The following KMT2E variants were observed in gnomAD, a reference collection of about 807,000 sequenced individuals.
KMT2E encodes the protein lysine methyltransferase 2E (inactive).
A neutral mutation model predicts 184.6 loss-of-function variants in KMT2E; 30 were observed. That is an observed-to-expected ratio of 0.16 (90% CI 0.12 to 0.22). The LOEUF is 0.22. KMT2E is among the 10% of genes least tolerant of loss of function. The pLI, the probability that KMT2E is intolerant of heterozygous loss-of-function variation, is 1.00. For missense variants in KMT2E, 2,023 were observed against 2,237.4 expected (o/e 0.90, Z 1.93); for synonymous variants, 815 against 776.5 (o/e 1.05, Z -0.82).
rs1347658934 is a variant in KMT2E, at chr7:105,106,092, T to G, written c.2596+89T>G. 1.9e-5 allele frequency: 24 copies of G among 1,289,850 alleles called. No individual in the cohort carries two copies. The East Asian group carries it at 5.1e-4, about 28-fold the overall frequency. The allele number at this position is 1,289,850 out of a possible 1,614,324, so 79.9% of individuals were successfully genotyped here. On this transcript the variant is annotated intron_variant, in intron 19 of 26. Coordinates refer to ENST00000311117, the MANE Select transcript of KMT2E (RefSeq NM_182931.3). ...ACAGGCATATTTCTAGTTACTGGTA[T>G]GCACTTTAGAAGAGAAGCACATTGG...
chr7:105,055,946 G>A (rs1402702941), intron 3 of KMT2E, among the ~76,000 whole-genome samples: 1 of 151,136 alleles, frequency 6.6e-6, no homozygotes, highest in African/African-American at 2.4e-5. Flanking sequence ...ATTTGGTACA[G>A]TATCTCACTG....
chr7:105,041,043 AC>A lies in KMT2E; in HGVS notation c.71+21del. 1.4e-6 allele frequency: 2 copies of A among 1,411,022 alleles called. No homozygotes were observed. 87.4% of individuals were successfully genotyped at this position (1,411,022 alleles called of 1,614,324 possible). ...TTCAGAGTAAGTATTTAAATTGGTT[AC>A]ATAAGCAAAAAAAAAAAAAAAACCC... On this transcript the variant is annotated intron_variant, in intron 3 of 26. Transcript: ENST00000311117.
At chr7:105,076,472 G>T (rs900446714) in intron 9 of KMT2E, among the ~76,000 whole-genome samples, 1 of 152,208 alleles carries the variant, frequency 6.6e-6, no homozygotes, top group African/African-American at 2.4e-5. Flanking sequence ...CAAGTCAGTT[G>T]TCATACTATA....
intron 19 of KMT2E, 85 bp from the exon 20 acceptor site, chr7:105,106,430 GTTTATAT>G: frequency 8.1e-7 from 1 of 1,237,438 alleles, no homozygotes; most frequent in Non-Finnish European, 1.2e-6. Context: ...AACTGCCATT[GTTTATAT>G]TTTATCTTTC....
chr7:105,086,593 C>T (rs1475907427), intron 13 of KMT2E, among the ~76,000 whole-genome samples: 6 of 151,456 alleles, frequency 4.0e-5, no homozygotes, highest in East Asian at 3.9e-4. Context: ...GGTGTGGTGG[C>T]GCACATCTGT....
At chr7:105,033,698 G>A (rs890096844) in intron 1 of KMT2E, among the ~76,000 whole-genome samples, 2 of 151,918 alleles carry the variant, frequency 1.3e-5, no homozygotes, top group Non-Finnish European at 2.9e-5. Context: ...ATGGGGTTTC[G>A]CTGTGTTAGC....
chr7:105,038,269 T>C (rs144333029), intron 2 of KMT2E, 70 bp downstream of exon 2: 97 of 152,342 alleles, frequency 6.4e-4, no homozygotes, highest in African/African-American at 2.2e-3. Context: ...ATATTTTACT[T>C]GTCAGCTGGA....
intron 26 of KMT2E, chr7:105,111,222 G>T (rs1388329350): frequency 5.1e-6 from 1 of 196,778 alleles, no homozygotes; most frequent in East Asian, 1.4e-4. Flanking sequence ...CATTTAAAAG[G>T]AATGACATCT....
intron 2 of KMT2E, among the ~76,000 whole-genome samples, chr7:105,039,573 AT>A (rs1415433452): frequency 1.3e-5 from 2 of 152,206 alleles, no homozygotes; most frequent in African/African-American, 4.8e-5. Context: ...TGTTTCACAG[AT>A]TATACAGATT....
intron 13 of KMT2E, among the ~76,000 whole-genome samples, chr7:105,087,284 G>GATATAATATATATAATAT (rs201239140): frequency 4.2e-4 from 60 of 143,874 alleles, no homozygotes; most frequent in African/African-American, 1.6e-3. Flanking sequence ...ATATAAATAT[G>GATATAATATATATAATAT]ATATAATATA....
chr7:105,036,156 T>C (rs1795644200), intron 1 of KMT2E, among the ~76,000 whole-genome samples: 1 of 151,754 alleles, frequency 6.6e-6, no homozygotes, highest in Admixed American at 6.6e-5. Context: ...TTTTTGTTGT[T>C]GTTGTTGTTG....
chr7:105,023,220 C>A (rs1009403157), intron 1 of KMT2E, among the ~76,000 whole-genome samples: 1 of 151,694 alleles, frequency 6.6e-6, no homozygotes, highest in East Asian at 2.0e-4. Flanking sequence ...ATAAAAAAAT[C>A]CATTACCCCG....
At chr7:105,016,462 CTGTTT>C (rs1794720421) in intron 1 of KMT2E, among the ~76,000 whole-genome samples, 1 of 152,150 alleles carries the variant, frequency 6.6e-6, no homozygotes. Context: ...GGAATTTAGT[CTGTTT>C]TAATAGACCT....
chr7:105,022,757 T>A (rs1423639442), intron 1 of KMT2E, among the ~76,000 whole-genome samples: 1 of 152,202 alleles, frequency 6.6e-6, no homozygotes, highest in Non-Finnish European at 1.5e-5. Context: ...CTAATTTTCT[T>A]CTTTTCTTTA....
At chr7:105,088,342 C>T (rs1798069245) in intron 13 of KMT2E, among the ~76,000 whole-genome samples, 1 of 152,184 alleles carries the variant, frequency 6.6e-6, no homozygotes, top group South Asian at 2.1e-4. Flanking sequence ...GAGTTTCAAG[C>T]TAGTATCTGT....
intron 12 of KMT2E, among the ~76,000 whole-genome samples, chr7:105,079,511 CTTTTTTTTTTTTTT>C (rs66734303): frequency 8.0e-5 from 5 of 62,336 alleles, no homozygotes; most frequent in African/African-American, 1.3e-4. Flanking sequence ...ATTGGACTTC[CTTTTTTTTTTTTTT>C]TTTTTTTTTT....
chr7:105,033,568 G>A (rs916098976), intron 1 of KMT2E, among the ~76,000 whole-genome samples: 5 of 151,918 alleles, frequency 3.3e-5, no homozygotes, highest in South Asian at 2.1e-4. Context: ...TCATGATCTC[G>A]GCCCACTGCA....
chr7:105,037,810 G>A (rs1795724545), intron 1 of KMT2E, among the ~76,000 whole-genome samples: 1 of 151,092 alleles, frequency 6.6e-6, no homozygotes, highest in Non-Finnish European at 1.5e-5. Flanking sequence ...TTTTTGTTTT[G>A]GTATTGTTGC....
intron 2 of KMT2E, chr7:105,039,260 C>G (rs1795787792): frequency 6.6e-6 from 1 of 152,120 alleles, no homozygotes; most frequent in South Asian, 2.1e-4. Context: ...ACTGAAACAT[C>G]TCAAGTGTGG....
Sources: allele counts gnomAD v4.1 joint callset (sites outside exome capture counted in the v4.1 genomes callset), GRCh38; gene constraint gnomAD v4.1.1; transcripts MANE v1.5; gene names NCBI Gene and HGNC (gene_info 2026-07-23, HGNC 2026-07-21).